BBX: variants seen among roughly 807,000 people sequenced by gnomAD.
The protein encoded by BBX is HMG box transcription factor BBX.
BBX carries 30 observed loss-of-function variants against 100.2 expected under a neutral mutation model. The ratio of observed to expected loss-of-function variants is 0.30; its 90% CI spans 0.22 to 0.41. The LOEUF is 0.41. Ranked by LOEUF, BBX falls within the 10% of genes least tolerant of loss-of-function variation. BBX has a pLI of 1.00. For missense variants in BBX, 1,023 were observed against 1,129.8 expected, an observed-to-expected ratio of 0.91 and a Z score of 1.35; for synonymous variants, 376 against 388.1, an observed-to-expected ratio of 0.97 and a Z score of 0.37.
At chr3:107,713,586 A>G (rs929128891) in intron 4 of BBX, among the ~76,000 whole-genome samples, 5 of 152,366 alleles carry the variant, frequency 3.3e-5, no homozygotes, top group Admixed American at 3.3e-4. Context: ...TTAATAAAAT[A>G]ATTACATTAA....
At chr3:107,707,043 A>T (rs1053620658) in intron 3 of BBX, among the ~76,000 whole-genome samples, 1 of 152,240 alleles carries the variant, frequency 6.6e-6, no homozygotes, top group Non-Finnish European at 1.5e-5. Context: ...TAAAGTGCAC[A>T]GTTTATACTT....
intron 2 of BBX, among the ~76,000 whole-genome samples, chr3:107,579,849 A>T (rs576137271): frequency 6.6e-6 from 1 of 152,182 alleles, no homozygotes; most frequent in South Asian, 2.1e-4. Flanking sequence ...GTCTTGTGGG[A>T]ACATTAGAAA....
chr3:107,788,035 G>A (rs1338629731), intron 13 of BBX, among the ~76,000 whole-genome samples: 2 of 152,186 alleles, frequency 1.3e-5, no homozygotes, highest in South Asian at 2.1e-4. Context: ...TAAGATTGCT[G>A]ACTTTTCATA....
At chr3:107,731,942 A>AT (rs1182689079) in intron 6 of BBX, among the ~76,000 whole-genome samples, 2 of 152,184 alleles carry the variant, frequency 1.3e-5, no homozygotes, top group Non-Finnish European at 2.9e-5. Flanking sequence ...CGAGTTAGGC[A>AT]TTTTTACATA....
chr3:107,550,383 A>G (rs2049571873), intron 2 of BBX, among the ~76,000 whole-genome samples: 1 of 152,114 alleles, frequency 6.6e-6, no homozygotes, highest in South Asian at 2.1e-4. Flanking sequence ...CCTCATGGAA[A>G]CTTGAAATGG....
At chr3:107,606,241 G>A (rs2054427302) in intron 2 of BBX, among the ~76,000 whole-genome samples, 1 of 152,118 alleles carries the variant, frequency 6.6e-6, no homozygotes, top group African/African-American at 2.4e-5. Flanking sequence ...CCTAATATAT[G>A]GTAAGACCCA....
At chr3:107,752,588 A>G (rs951893353) in intron 9 of BBX, among the ~76,000 whole-genome samples, 5 of 152,200 alleles carry the variant, frequency 3.3e-5, no homozygotes, top group African/African-American at 9.6e-5. Context: ...AGACAGCCAT[A>G]AAATTAGCAA....
In BBX at chr3:107,731,680, T is replaced by C. The variant is rs566521375; in HGVS notation, c.602-1276T>C. Among the ~76,000 whole-genome samples, 13 of 151,534 alleles carry C rather than the reference T, an allele frequency of 8.6e-5. No homozygotes were observed. The South Asian group carries it at 2.1e-3, about 24-fold the overall frequency. ...AACCTCTTCCCCCAACCCCTGCCCC[T>C]TTTTTTTACTACCTCAGAACTTTTT... On this transcript the variant is annotated intron_variant, in intron 6 of 17. Coordinates refer to ENST00000325805, the MANE Select transcript of BBX (RefSeq NM_001142568.3).
chr3:107,615,718 CTA>C (rs2055201967), intron 2 of BBX, among the ~76,000 whole-genome samples: 2 of 152,158 alleles, frequency 1.3e-5, no homozygotes, highest in East Asian at 1.9e-4. Context: ...GGGGAAAATA[CTA>C]TGTTTCAATG....
At chr3:107,628,553 C>A (rs114511906) in intron 2 of BBX, among the ~76,000 whole-genome samples, 1 of 151,812 alleles carries the variant, frequency 6.6e-6, no homozygotes, top group African/African-American at 2.4e-5. Flanking sequence ...TATGAGGAAA[C>A]CTTTTTTTAA....
In BBX at chr3:107,693,596, C is replaced by A. The variant is rs1254982539; in HGVS notation, c.-9-16856C>A. ...TACCAGTACCATGCTGTTTTGGTTA[C>A]TGTAGCCTTGTAGTATAGTTTGAAG... On this transcript the variant is annotated intron_variant, in intron 3 of 17. Transcript: ENST00000325805. 6.6e-5 allele frequency among the ~76,000 whole-genome samples: 10 copies of A among 151,896 alleles called. No homozygotes were observed. The South Asian group carries it at 2.1e-3, about 31-fold the overall frequency.
intron 3 of BBX, among the ~76,000 whole-genome samples, chr3:107,694,675 G>T (rs1187348048): frequency 6.6e-6 from 1 of 150,746 alleles, no homozygotes; most frequent in Non-Finnish European, 1.5e-5. Context: ...TTGTGTCTCT[G>T]CCTGGCTTTG....
intron 2 of BBX, among the ~76,000 whole-genome samples, chr3:107,624,486 G>A (rs625810): frequency 0.83 from 126,757 of 152,194 alleles, 53,555 homozygotes; most frequent in East Asian, 1. Flanking sequence ...GCTGAAGGGC[G>A]TAATAAAAGT....
intron 3 of BBX, among the ~76,000 whole-genome samples, chr3:107,669,514 C>G (rs1367212750): frequency 6.6e-6 from 1 of 151,998 alleles, no homozygotes; most frequent in African/African-American, 2.4e-5. Flanking sequence ...GAATTAAATT[C>G]TAGGAGTAGA....
At chr3:107,733,089 T>G in intron 7 of BBX, 66 bp downstream of exon 7, 2 of 1,384,068 alleles carry the variant, frequency 1.4e-6, no homozygotes, top group Non-Finnish European at 2.0e-6. Context: ...TTATAGTCTG[T>G]TTACGTTGTT....
Position 107,654,674 on chromosome 3 carries a change from TTTTTG to T in BBX, c.-10+8780_-10+8784del, listed in dbSNP as rs2058036323. 3.3e-5 allele frequency among the ~76,000 whole-genome samples: 5 copies of T among 152,084 alleles called. No homozygotes were observed. The South Asian group carries it at 8.3e-4, about 25-fold the overall frequency. ...CTAAATGGATCACTTAAAAAATATGTTTTTGTTTTGTTTTGTTTTTGTTTGTTTGT... is the reference window on the plus strand; with the variant it reads ...CTAAATGGATCACTTAAAAAATATGTTTTTGTTTTGTTTTTGTTTGTTTGT... On this transcript the variant is annotated intron_variant, in intron 3 of 17. Transcript: ENST00000325805.
intron 9 of BBX, among the ~76,000 whole-genome samples, chr3:107,749,095 T>C (rs2064857499): frequency 6.6e-6 from 1 of 152,188 alleles, no homozygotes; most frequent in Non-Finnish European, 1.5e-5. Context: ...TTCCCTGCCA[T>C]AGTATTTGCT....
chr3:107,565,670 A>G (rs1576326106), intron 2 of BBX, among the ~76,000 whole-genome samples: 2 of 151,288 alleles, frequency 1.3e-5, no homozygotes, highest in South Asian at 2.1e-4. Flanking sequence ...GGGTTTCACC[A>G]TCTTGGTCAG....
At chr3:107,735,329 AATGAG>A in intron 7 of BBX, among the ~76,000 whole-genome samples, 1 of 152,132 alleles carries the variant, frequency 6.6e-6, no homozygotes, top group Non-Finnish European at 1.5e-5. Flanking sequence ...CTAGCAGGAT[AATGAG>A]ATAAGAGAAA....
Sources: allele counts gnomAD v4.1 joint callset (sites outside exome capture counted in the v4.1 genomes callset), GRCh38; gene constraint gnomAD v4.1.1; transcripts MANE v1.5; gene names NCBI Gene and HGNC (gene_info 2026-07-23, HGNC 2026-07-21).